The following WDR33 variants were observed in gnomAD, a reference collection of about 807,000 sequenced individuals.
WDR33 encodes the protein WD repeat domain 33.
A neutral mutation model predicts 164.9 loss-of-function variants in WDR33; 47 were observed. The ratio of observed to expected loss-of-function variants is 0.29; its 90% CI spans 0.23 to 0.36. The LOEUF (loss-of-function observed/expected upper bound fraction) is 0.36. Ranked by LOEUF, WDR33 falls within the 10% of genes least tolerant of loss-of-function variation. WDR33 has a pLI of 1.00. For synonymous variants in WDR33, 505 were observed against 589.0 expected (o/e 0.86, Z 2.06); for missense variants, 1,137 against 1,754.1 (o/e 0.65, Z 6.28).
rs557885403 is a variant in WDR33 at position 127,736,618 on chromosome 2, C to G, written c.725-9841G>C. ...ACCAACTTGTATTTACATGGAAGAC[C>G]AACAAAGGCTGACCTAAAAGAAACT... is the stretch of plus-strand genomic sequence containing the variant. On this transcript the variant is annotated intron_variant, in intron 7 of 21. Transcript: ENST00000322313. 21 of 985,302 alleles carry G rather than the reference C, an allele frequency of 2.1e-5. 1 individual carries two copies. Among genetic ancestry groups the G allele is most frequent in the Middle Eastern group, 1.0e-3 (2 of 1,914 alleles). 61.0% of individuals were successfully genotyped at this position (985,302 alleles called of 1,614,324 possible).
chr2:127,734,178 A>T (rs1456737644), intron 7 of WDR33, among the ~76,000 whole-genome samples: 1 of 152,238 alleles, frequency 6.6e-6, no homozygotes, highest in Non-Finnish European at 1.5e-5. Flanking sequence ...AAGTAAACAT[A>T]TTGATTCTGA....
intron 1 of WDR33, among the ~76,000 whole-genome samples, chr2:127,774,645 T>C (rs1688125819): frequency 6.6e-6 from 1 of 151,978 alleles, no homozygotes; most frequent in Non-Finnish European, 1.5e-5. Flanking sequence ...CCGGCTAACA[T>C]GGTGAAACCC....
At position 127,713,547 on chromosome 2, in the gene WDR33, T is replaced by G. The variant is rs1395639057; in HGVS notation, c.3308+36A>C. On this transcript the variant is annotated intron_variant, in intron 18 of 21. Coordinates refer to ENST00000322313, the MANE Select transcript of WDR33 (RefSeq NM_018383.5). The surrounding 1 kb of genome is among the most constrained non-coding windows in gnomAD (Gnocchi z 6.2). ...GGAGACAGCAGATAAAAAGCTCCAC[T>G]GAAGATGGAATGGGCCCACAAAGTA... The G allele has an allele frequency of 1.9e-6, 3 of 1,604,434 alleles. No individual in the cohort carries two copies. The highest frequency in any genetic ancestry group is 2.6e-6 in the Non-Finnish European group (3 of 1,175,974).
intron 1 of WDR33, among the ~76,000 whole-genome samples, chr2:127,771,949 T>C (rs537300007): frequency 2.6e-4 from 40 of 152,312 alleles, no homozygotes; most frequent in Non-Finnish European, 4.4e-4. Context: ...TACGTGTTTA[T>C]GCTTAGGGAA....
At position 127,765,399 on chromosome 2, in the gene WDR33, T is replaced by C. The variant is rs1687791436; in HGVS notation, c.379-130A>G. The C allele has an allele frequency of 1.0e-5, 7 of 678,050 alleles. No homozygotes were observed. The South Asian group carries it at 1.3e-4, about 13-fold the overall frequency. 42.0% of individuals were successfully genotyped at this position (678,050 alleles called of 1,614,324 possible). On this transcript the variant is annotated intron_variant, in intron 4 of 21. Transcript: ENST00000322313. The stretch of plus-strand genomic sequence containing the variant: ...ATACTGACTTTCACTTAAATGTAGC[T>C]CAGCTTTATCAGAAGTACTTTGTCA...
chr2:127,771,291 G>C (rs1310815900), intron 1 of WDR33, among the ~76,000 whole-genome samples: 2 of 152,172 alleles, frequency 1.3e-5, no homozygotes, highest in Non-Finnish European at 2.9e-5. Flanking sequence ...ACAGCCTAAT[G>C]CTCTTAGGTT....
intron 7 of WDR33, among the ~76,000 whole-genome samples, chr2:127,756,729 C>T (rs1428240419): frequency 1.3e-5 from 2 of 151,986 alleles, no homozygotes; most frequent in Non-Finnish European, 2.9e-5. Context: ...GATAGAAAGG[C>T]TCTTTCTGAA....
chr2:127,743,440 A>T (rs367927276), intron 7 of WDR33, among the ~76,000 whole-genome samples: 3 of 151,948 alleles, frequency 2.0e-5, no homozygotes, highest in Admixed American at 6.6e-5. Flanking sequence ...CAAGATTATC[A>T]CTCTTTCTGC....
At chr2:127,799,187 A>G (rs10181438) in intron 1 of WDR33, among the ~76,000 whole-genome samples, 3,245 of 152,270 alleles carry the variant, frequency 0.021, 138 homozygotes, top group African/African-American at 0.075. Flanking sequence ...TGGGTTAGGC[A>G]AAGCTGCCTT....
Position 127,702,110 on chromosome 2 carries a change from C to G in WDR33, c.*4213G>C, listed in dbSNP as rs1685907197. The G allele has an allele frequency of 1.6e-6, 2 of 1,216,404 alleles. No individual in the cohort carries two copies. Among genetic ancestry groups the G allele is most frequent in the Admixed American group, 4.4e-5 (1 of 22,806 alleles). 75.4% of individuals were successfully genotyped at this position (1,216,404 alleles called of 1,614,324 possible). A position where few individuals can be genotyped will look rare whatever the true frequency, so the allele number is the denominator to read the frequency against. On this transcript the variant is annotated 3_prime_UTR_variant, in exon 22 of 22. Transcript: ENST00000322313. ...GGCTGCTGCCCTGGGGCGGCGGCAC[C>G]GCGCTGCGCCTCGCACTGGGTCGCC...
At position 127,763,055 on chromosome 2, in the gene WDR33, C is replaced by A; in HGVS notation, c.724+7G>T. 1 of 1,613,950 alleles carries A rather than the reference C, an allele frequency of 6.2e-7. No individual in the cohort carries two copies. Among genetic ancestry groups the A allele is most frequent in the Non-Finnish European group, 8.5e-7 (1 of 1,179,886 alleles). On this transcript the variant is annotated splice_region_variant and intron_variant, in intron 7 of 21. Transcript: ENST00000322313. The surrounding 1 kb of genome is among the most constrained non-coding windows in gnomAD (Gnocchi z 4.5). ...AATATTCCAATCAGTACTGTTAGTACACGTACCTCGGAGAATTCTTTCCTC... is the reference window on the plus strand; with the variant it reads ...AATATTCCAATCAGTACTGTTAGTAAACGTACCTCGGAGAATTCTTTCCTC...
At chr2:127,736,860 G>T (rs1686860979) in intron 7 of WDR33, 1 of 985,260 alleles carries the variant, frequency 1.0e-6, no homozygotes, top group Non-Finnish European at 1.2e-6. Context: ...GTGGGGAAGG[G>T]TATAAACAGG....
At chr2:127,780,422 T>C (rs1183906452) in intron 1 of WDR33, among the ~76,000 whole-genome samples, 2 of 152,314 alleles carry the variant, frequency 1.3e-5, no homozygotes, top group Non-Finnish European at 2.9e-5. Context: ...GGGATCTTCA[T>C]GAGCGGCAGG....
chr2:127,728,021 G>A (rs1686613084), intron 7 of WDR33, among the ~76,000 whole-genome samples: 1 of 152,210 alleles, frequency 6.6e-6, no homozygotes, highest in Non-Finnish European at 1.5e-5. Flanking sequence ...CATGTAGGGA[G>A]GTGACAACAA....
At chr2:127,788,569 G>A (rs1688708858) in intron 1 of WDR33, among the ~76,000 whole-genome samples, 1 of 134,248 alleles carries the variant, frequency 7.4e-6, no homozygotes, top group Non-Finnish European at 1.6e-5. Flanking sequence ...GCCGGGCTGA[G>A]GGGCTCCTCA....
chr2:127,711,751 G>GATAGATATATATATAT (rs1157627935), intron 18 of WDR33, among the ~76,000 whole-genome samples: 45 of 71,564 alleles, frequency 6.3e-4, no homozygotes, highest in African/African-American at 4.4e-3. Context: ...CACATATACA[G>GATAGATATATATATAT]ATATATATAT....
In WDR33 at chr2:127,735,303, A is replaced by C. The variant is rs1486460442; in HGVS notation, c.725-8526T>G. 3.4e-6 allele frequency: 3 copies of C among 880,930 alleles called. No individual in the cohort carries two copies. The African/African-American group carries it at 5.5e-5, about 16-fold the overall frequency. The allele number at this position is 880,930 out of a possible 1,614,324, so 54.6% of individuals were successfully genotyped here. On this transcript the variant is annotated intron_variant, in intron 7 of 21. Coordinates refer to ENST00000322313, the MANE Select transcript of WDR33 (RefSeq NM_018383.5). This position sits in a 1 kb window ranked among gnomAD's most constrained non-coding sequence, Gnocchi z 4.3. Reference sequence around the variant, plus strand: ...CCCTCCTCCACCTCATCAGATCCTAAGGAACCTGTTACCCCAAGCCCCTAA... The same window carrying C: ...CCCTCCTCCACCTCATCAGATCCTACGGAACCTGTTACCCCAAGCCCCTAA...
At chr2:127,750,673 A>ATAT (rs1391279731) in intron 7 of WDR33, among the ~76,000 whole-genome samples, 23 of 62,876 alleles carry the variant, frequency 3.7e-4, no homozygotes, top group African/African-American at 2.2e-3. Context: ...AAAAAAAAAA[A>ATAT]AAAAATATAT....
intron 1 of WDR33, among the ~76,000 whole-genome samples, chr2:127,788,368 G>A (rs534199896): frequency 0.089 from 9,492 of 106,806 alleles, 327 homozygotes; most frequent in African/African-American, 0.15. Flanking sequence ...CAGTAGGGGC[G>A]GCCGGGCAGA....
Sources: gnomAD v4.1 joint callset for allele counts (sites outside exome capture counted in the v4.1 genomes callset) on GRCh38, gnomAD v4.1.1 for gene constraint, Gnocchi (gnomAD v3.1) non-coding constraint, MANE v1.5 for transcripts, NCBI Gene and HGNC (gene_info 2026-07-23, HGNC 2026-07-21) for gene names.